Variants in C3orf49 observed in about 807,000 individuals in gnomAD.
The protein encoded by C3orf49 is putative uncharacterized protein C3orf49.
C3orf49 carries 27 observed loss-of-function variants against 13.3 expected under a neutral mutation model. The observed-to-expected ratio is 2.02, with a 90% CI of 1.49 to 2.79. The LOEUF is 2.79. Ranked by LOEUF, C3orf49 falls within the 30% of genes most tolerant of loss-of-function variation. The pLI is 0.00. For missense variants in C3orf49, 242 were observed against 134.2 expected (o/e 1.80, Z -3.97); for synonymous variants, 87 against 47.6 (o/e 1.83, Z -3.40).
At chr3:63,798,592 G>A in the C3orf49 span, among the ~76,000 whole-genome samples, 1 of 152,038 alleles carries the variant, frequency 6.6e-6, no homozygotes, top group Non-Finnish European at 1.5e-5. Context: ...CCCCAAAACA[G>A]TGGCAGCCTC....
At chr3:63,813,871 C>T in the C3orf49 span, among the ~76,000 whole-genome samples, 1 of 152,128 alleles carries the variant, frequency 6.6e-6, no homozygotes, top group Admixed American at 6.5e-5. Flanking sequence ...ACTGGGGTGG[C>T]CAGAATTAGT....
intron 3 of C3orf49, among the ~76,000 whole-genome samples, chr3:63,830,698 G>A (rs1439147913): frequency 1.3e-5 from 2 of 152,120 alleles, no homozygotes; most frequent in South Asian, 4.2e-4. Context: ...GTGAAAATAA[G>A]GAAACCTGCA....
At chr3:63,815,045 C>T (rs1343937912), upstream of C3orf49, among the ~76,000 whole-genome samples, 1 of 152,082 alleles carries the variant, frequency 6.6e-6, no homozygotes, top group Non-Finnish European at 1.5e-5. Context: ...CAGGGAGTGC[C>T]ACGCACTTTT....
At chr3:63,822,299 C>T (rs1701408207) in intron 1 of C3orf49, among the ~76,000 whole-genome samples, 1 of 152,116 alleles carries the variant, frequency 6.6e-6, no homozygotes, top group Non-Finnish European at 1.5e-5. Flanking sequence ...CTTACAATTG[C>T]ATGTGAAACT....
intron 2 of C3orf49, among the ~76,000 whole-genome samples, chr3:63,826,382 G>C (rs2107101355): frequency 6.6e-6 from 1 of 152,270 alleles, no homozygotes; most frequent in South Asian, 2.1e-4. Flanking sequence ...GGAATGGGGA[G>C]ATAAAGGGAG....
the C3orf49 span, among the ~76,000 whole-genome samples, chr3:63,802,266 T>A: frequency 6.6e-6 from 1 of 152,222 alleles, no homozygotes; most frequent in Non-Finnish European, 1.5e-5. Flanking sequence ...TGGTTGTTGG[T>A]TTTTGTTTGA....
At chr3:63,843,703 A>T (rs1464243711) in intron 5 of C3orf49, among the ~76,000 whole-genome samples, 2 of 152,104 alleles carry the variant, frequency 1.3e-5, no homozygotes. Context: ...GATCGAGACC[A>T]TCCTGGCTAA....
At chr3:63,788,728 TA>T in the C3orf49 span, among the ~76,000 whole-genome samples, 479 of 139,788 alleles carry the variant, frequency 3.4e-3, 2 homozygotes, top group African/African-American at 0.011. Flanking sequence ...TATTACAATT[TA>T]AAAAAAAAAA....
chr3:63,793,483 G>A, the C3orf49 span, among the ~76,000 whole-genome samples: 6 of 151,594 alleles, frequency 4.0e-5, no homozygotes, highest in Non-Finnish European at 7.4e-5. Flanking sequence ...CCTTCTCTTG[G>A]AGGCAGCAAA....
intron 6 of C3orf49, 137 bp from the exon 7 acceptor site, chr3:63,848,227 C>A (rs1248242020): frequency 6.6e-6 from 1 of 152,122 alleles, no homozygotes; most frequent in East Asian, 1.9e-4. Flanking sequence ...AAGAGTCTGG[C>A]ACCTTTTTAA....
intron 4 of C3orf49, 107 bp downstream of exon 4, chr3:63,831,330 G>T (rs1484653127): frequency 1.6e-6 from 1 of 628,588 alleles, no homozygotes; most frequent in East Asian, 2.7e-5. Context: ...TGAAATTAAT[G>T]ATTAGCATTA....
chr3:63,809,980 T>G, the C3orf49 span, among the ~76,000 whole-genome samples: 4 of 151,386 alleles, frequency 2.6e-5, no homozygotes, highest in South Asian at 8.3e-4. Flanking sequence ...AAATCTCATC[T>G]CTACTAAAAA....
At chr3:63,842,956 ATT>A (rs529498406) in intron 5 of C3orf49, among the ~76,000 whole-genome samples, 2 of 143,958 alleles carry the variant, frequency 1.4e-5, no homozygotes, top group African/African-American at 2.5e-5. Context: ...TAATTTTTGT[ATT>A]TTTTTTTTTT....
At chr3:63,809,948 G>A in the C3orf49 span, among the ~76,000 whole-genome samples, 3 of 152,112 alleles carry the variant, frequency 2.0e-5, no homozygotes, top group African/African-American at 7.2e-5. Flanking sequence ...AGTAGTTCAA[G>A]ACGAGCCTGG....
At chr3:63,792,038 C>T in the C3orf49 span, among the ~76,000 whole-genome samples, 1,864 of 152,272 alleles carry the variant, frequency 0.012, 16 homozygotes, top group Middle Eastern at 0.034. Flanking sequence ...CTATAGAAAA[C>T]GTTGCCAGAA....
rs1045166032 is a variant in C3orf49, at chr3:63,819,490, T to G, written c.19T>G (p.Tyr7Asp). ...GAGAGCAATGGCCCAACCTCAGCTG[T>G]ATCTACCAGAACCCTTTAAGATTGC... Reference protein sequence around the residue: MAQPQLYLPEPFKIAYR... With the variant: MAQPQLDLPEPFKIAYR... The change falls in exon 1 of 7, where the codon TAT (tyrosine) becomes GAT (aspartate). Residue 7 changes from tyrosine (Y) to aspartate (D), a missense_variant. Tyr to Asp is a radical substitution (Grantham distance 160). Transcript: ENST00000295896. 1 of 702,846 alleles carries G rather than the reference T, an allele frequency of 1.4e-6. No individual in the cohort carries two copies. The highest frequency in any genetic ancestry group is 1.7e-5 in the African/African-American group (1 of 57,256). The allele number at this position is 702,846 out of a possible 1,614,324, so 43.5% of individuals were successfully genotyped here. A position where few individuals can be genotyped will look rare whatever the true frequency, so the allele number is the denominator to read the frequency against.
At chr3:63,815,978 G>A (rs1186516405), upstream of C3orf49, among the ~76,000 whole-genome samples, 2 of 151,244 alleles carry the variant, frequency 1.3e-5, no homozygotes, top group Non-Finnish European at 3.0e-5. Flanking sequence ...TAGAGACGGG[G>A]TTTCACCGTG....
intron 5 of C3orf49, among the ~76,000 whole-genome samples, chr3:63,837,169 T>A (rs1423222947): frequency 2.6e-5 from 4 of 152,080 alleles, no homozygotes; most frequent in African/African-American, 9.6e-5. Context: ...TGGATACAAA[T>A]TTTTTGAATT....
chr3:63,805,265 A>G, the C3orf49 span, among the ~76,000 whole-genome samples: 3 of 152,350 alleles, frequency 2.0e-5, no homozygotes, highest in Middle Eastern at 3.4e-3. Flanking sequence ...TGGCTTTTTA[A>G]TGAGGATTTC....
Sources: gnomAD v4.1 joint callset for allele counts (sites outside exome capture counted in the v4.1 genomes callset) on GRCh38, gnomAD v4.1.1 for gene constraint, MANE v1.5 for transcripts, NCBI Gene and HGNC (gene_info 2026-07-23, HGNC 2026-07-21) for gene names.